Variants in AGBL1 observed in about 807,000 individuals in gnomAD.
The protein encoded by AGBL1 is AGBL carboxypeptidase 1.
In AGBL1, 130 loss-of-function variants were observed where a neutral mutation model predicts 118.9. The ratio of observed to expected loss-of-function variants is 1.09; its 90% CI spans 0.95 to 1.26. The LOEUF is 1.26. Ranked by LOEUF, AGBL1 falls within the 50% of genes most tolerant of loss-of-function variation. AGBL1 has a pLI of 0.00. For missense variants in AGBL1, 1,584 were observed against 1,298.1 expected (o/e 1.22, Z -3.38); for synonymous variants, 555 against 478.9 (o/e 1.16, Z -2.08).
intron 22 of AGBL1, among the ~76,000 whole-genome samples, chr15:86,815,604 G>A (rs150346464): frequency 6.6e-6 from 1 of 152,200 alleles, no homozygotes; most frequent in East Asian, 1.9e-4. Flanking sequence ...AGATTAATTG[G>A]AGCAAAGAGG....
chr15:86,374,696 T>G (rs2081014790), intron 17 of AGBL1, among the ~76,000 whole-genome samples: 1 of 152,238 alleles, frequency 6.6e-6, no homozygotes, highest in African/African-American at 2.4e-5. Context: ...TGCTTTTAGC[T>G]CCTGATTTGC....
chr15:86,202,270 G>C (rs1030636441), intron 5 of AGBL1, among the ~76,000 whole-genome samples: 1 of 152,148 alleles, frequency 6.6e-6, no homozygotes, highest in African/African-American at 2.4e-5. Context: ...TTCAGCCTGG[G>C]TGACAGAGTG....
At chr15:86,128,632 G>A (rs1467434572) in intron 1 of AGBL1, among the ~76,000 whole-genome samples, 1 of 152,156 alleles carries the variant, frequency 6.6e-6, no homozygotes, top group Non-Finnish European at 1.5e-5. Flanking sequence ...TACAGTGTTT[G>A]CGCGTTATTT....
At chr15:86,328,567 A>T (rs1206406790) in intron 17 of AGBL1, among the ~76,000 whole-genome samples, 1 of 152,204 alleles carries the variant, frequency 6.6e-6, no homozygotes, top group African/African-American at 2.4e-5. Context: ...TCAAGAGGAA[A>T]AACAGGAATC....
chr15:86,604,787 T>C (rs1016194117), intron 21 of AGBL1, among the ~76,000 whole-genome samples: 8 of 150,898 alleles, frequency 5.3e-5, no homozygotes, highest in Admixed American at 4.6e-4. Context: ...TCTTTTTTTT[T>C]CTTTTCTTTC....
At chr15:86,461,609 A>G (rs1035310874) in intron 18 of AGBL1, among the ~76,000 whole-genome samples, 1 of 152,200 alleles carries the variant, frequency 6.6e-6, no homozygotes. Context: ...AAAAATATAT[A>G]TAAGTGCCAT....
chr15:86,339,250 A>T (rs1299465954), intron 17 of AGBL1, among the ~76,000 whole-genome samples: 1 of 152,182 alleles, frequency 6.6e-6, no homozygotes, highest in Non-Finnish European at 1.5e-5. Context: ...GTAAGGTGTT[A>T]TCCATTTCTT....
chr15:86,981,836 A>G (rs1206137766), intron 23 of AGBL1, among the ~76,000 whole-genome samples: 1 of 152,166 alleles, frequency 6.6e-6, no homozygotes, highest in Non-Finnish European at 1.5e-5. Flanking sequence ...AGCTTTGTAA[A>G]GACATCTGAG....
chr15:86,752,460 T>C (rs1817124), intron 22 of AGBL1, among the ~76,000 whole-genome samples: 32,796 of 151,944 alleles, frequency 0.22, 3,647 homozygotes, highest in East Asian at 0.28. Context: ...AGGTTCTTCC[T>C]GAGGTAATGA....
intron 24 of AGBL1, among the ~76,000 whole-genome samples, chr15:87,009,202 G>C (rs2081534078): frequency 1.3e-5 from 2 of 152,068 alleles, no homozygotes; most frequent in South Asian, 4.2e-4. Context: ...CTCAGTACAG[G>C]GTCCCTATGC....
chr15:86,787,439 A>C (rs1016287643), intron 22 of AGBL1, among the ~76,000 whole-genome samples: 3 of 151,924 alleles, frequency 2.0e-5, no homozygotes, highest in Non-Finnish European at 4.4e-5. Context: ...CCCCTCCCCT[A>C]CCCTAGTAAT....
chr15:86,110,066 T>A (rs146797141), intron 1 of AGBL1: 1 of 152,366 alleles, frequency 6.6e-6, no homozygotes, highest in East Asian at 1.9e-4. Context: ...TGTAAACACA[T>A]GACTGGGACC....
chr15:86,742,616 A>C (rs1229550584), intron 22 of AGBL1, among the ~76,000 whole-genome samples: 1 of 152,112 alleles, frequency 6.6e-6, no homozygotes, highest in African/African-American at 2.4e-5. Flanking sequence ...ACCTCCCCGT[A>C]GGCCAGTCTC....
intron 23 of AGBL1, among the ~76,000 whole-genome samples, chr15:86,933,727 C>T (rs572944886): frequency 2.2e-4 from 34 of 152,268 alleles, no homozygotes; most frequent in African/African-American, 5.3e-4. Context: ...TCCGTGTATC[C>T]GGTTCCTTCA....
intron 22 of AGBL1, among the ~76,000 whole-genome samples, chr15:86,676,895 G>A (rs549367926): frequency 6.6e-6 from 1 of 152,262 alleles, no homozygotes; most frequent in Non-Finnish European, 1.5e-5. Context: ...GAGGTCAGGA[G>A]TTCAAGACCA....
intron 1 of AGBL1, chr15:86,139,983 CT>C: frequency 6.2e-6 from 1 of 161,058 alleles, no homozygotes; most frequent in Non-Finnish European, 1.4e-5. Flanking sequence ...TCTCCTCCAC[CT>C]TCATGATCTA....
chr15:86,367,253 T>C (rs1431958170), intron 17 of AGBL1, among the ~76,000 whole-genome samples: 1 of 152,212 alleles, frequency 6.6e-6, no homozygotes, highest in East Asian at 1.9e-4. Flanking sequence ...ATTTAGTCTT[T>C]TGCCATGCTC....
intron 1 of AGBL1, among the ~76,000 whole-genome samples, chr15:86,134,900 A>G (rs574921089): frequency 6.7e-6 from 1 of 150,202 alleles, no homozygotes; most frequent in Admixed American, 6.7e-5. Context: ...GGTGTAAGCC[A>G]CTGTGCCAGC....
chr15:86,510,328 A>T (rs4887475), intron 18 of AGBL1, among the ~76,000 whole-genome samples: 66,247 of 151,770 alleles, frequency 0.44, 15,538 homozygotes, highest in East Asian at 0.68. Flanking sequence ...GGCTTGATCA[A>T]CTCATCAGGG....
Sources: allele counts gnomAD v4.1 joint callset (sites outside exome capture counted in the v4.1 genomes callset), GRCh38; gene constraint gnomAD v4.1.1; transcripts MANE v1.5; gene names NCBI Gene and HGNC (gene_info 2026-07-23, HGNC 2026-07-21).